Variants in PHKB observed in about 807,000 individuals in gnomAD.
PHKB encodes the protein phosphorylase kinase regulatory subunit beta, also known as phosphorylase b kinase regulatory subunit beta.
Under a neutral mutation model 152.1 loss-of-function variants are expected in PHKB, and 122 were observed. The ratio of observed to expected loss-of-function variants is 0.80; its 90% CI spans 0.69 to 0.93. PHKB has a LOEUF of 0.93. Ranked by LOEUF, PHKB falls within the 40% of genes least tolerant of loss-of-function variation. The pLI is 0.00. For missense variants in PHKB, 1,304 were observed against 1,328.4 expected (o/e 0.98, Z 0.29); for synonymous variants, 436 against 464.9 (o/e 0.94, Z 0.80).
At chr16:47,603,572 C>T (rs752614647) in intron 13 of PHKB, among the ~76,000 whole-genome samples, 6 of 149,448 alleles carry the variant, frequency 4.0e-5, no homozygotes, top group Non-Finnish European at 7.4e-5. Flanking sequence ...GGCACTATCT[C>T]GGCTCACTGC....
At chr16:47,694,704 C>T (rs1380679751) in intron 28 of PHKB, among the ~76,000 whole-genome samples, 4 of 152,334 alleles carry the variant, frequency 2.6e-5, no homozygotes, top group South Asian at 4.1e-4. Context: ...TGTTGAAGAG[C>T]AGCACCATCT....
chr16:47,676,748 A>G (rs1048068112), intron 26 of PHKB, among the ~76,000 whole-genome samples: 2 of 152,212 alleles, frequency 1.3e-5, no homozygotes, highest in Non-Finnish European at 2.9e-5. Flanking sequence ...TTCTGGTCTG[A>G]TAATGATTTG....
chr16:47,640,987 G>A, intron 14 of PHKB, 48 bp from the exon 15 acceptor site: 1 of 1,496,708 alleles, frequency 6.7e-7, no homozygotes, highest in Non-Finnish European at 9.3e-7. Flanking sequence ...AGCTGATGAT[G>A]ACCAGATCTT....
rs895984116 is a variant in PHKB at position 47,478,513 on chromosome 16, G to A, written c.76+17087G>A. 3.6e-5 allele frequency among the ~76,000 whole-genome samples: 4 copies of A among 112,332 alleles called. No homozygotes were observed. The East Asian group carries it at 7.4e-4, about 21-fold the overall frequency. 73.7% of individuals were successfully genotyped at this position (112,332 alleles called of 152,430 possible). On this transcript the variant is annotated intron_variant, in intron 1 of 30. Coordinates refer to ENST00000323584, the MANE Select transcript of PHKB (RefSeq NM_000293.3). ...GCTTTACCTGAAAAAAAGAAACAAA[G>A]CATATTTCAGTGTTTAAATCCTAGG...
At chr16:47,616,947 A>T (rs1175510972) in intron 14 of PHKB, among the ~76,000 whole-genome samples, 3 of 151,186 alleles carry the variant, frequency 2.0e-5, no homozygotes, top group African/African-American at 7.3e-5. Flanking sequence ...TAAGGCACAG[A>T]TCACTTGTGC....
intron 20 of PHKB, among the ~76,000 whole-genome samples, 182 bp downstream of exon 20, chr16:47,651,103 C>T (rs1162408527): frequency 2.0e-5 from 3 of 152,156 alleles, no homozygotes; most frequent in Admixed American, 6.5e-5. Flanking sequence ...TGCTTGAACA[C>T]TTGCAGCAAT....
At position 47,660,837 on chromosome 16, in the gene PHKB, C is replaced by T. The variant is rs1007615066; in HGVS notation, c.2196+18C>T. ...AACTGAATGTGAGACAGATGCACTTCCCACATGGCCCTAAGTGAGGTTGCT... is the reference window on the plus strand; with the variant it reads ...AACTGAATGTGAGACAGATGCACTTTCCACATGGCCCTAAGTGAGGTTGCT... On this transcript the variant is annotated intron_variant, in intron 22 of 30. Coordinates refer to ENST00000323584, the MANE Select transcript of PHKB (RefSeq NM_000293.3). 6.2e-7 allele frequency: 1 copy of T among 1,612,820 alleles called. No homozygotes were observed. The highest frequency in any genetic ancestry group is 1.3e-5 in the African/African-American group (1 of 74,864).
Position 47,681,364 on chromosome 16 carries a change from G to C in PHKB, c.2631-7677G>C, listed in dbSNP as rs547005874. ...CTCGTTGATCTGTCAAATGTTGACAGTGGGGTGTTAAAGTCTCCCATTTTT... is the reference window on the plus strand; with the variant it reads ...CTCGTTGATCTGTCAAATGTTGACACTGGGGTGTTAAAGTCTCCCATTTTT... On this transcript the variant is annotated intron_variant, in intron 26 of 30. Coordinates refer to ENST00000323584, the MANE Select transcript of PHKB (RefSeq NM_000293.3). Among the ~76,000 whole-genome samples, 80 of 148,702 alleles carry C rather than the reference G, an allele frequency of 5.4e-4. 4 individuals carry two copies. Among genetic ancestry groups the C allele is most frequent in the Non-Finnish European group, 9.6e-4 (64 of 66,696 alleles).
At chr16:47,626,225 C>G (rs1481726953) in intron 14 of PHKB, among the ~76,000 whole-genome samples, 2 of 152,138 alleles carry the variant, frequency 1.3e-5, no homozygotes, top group Non-Finnish European at 2.9e-5. Flanking sequence ...TGTGTGAATC[C>G]GCACTAGAAA....
At chr16:47,588,725 T>C (rs1222116067) in intron 9 of PHKB, among the ~76,000 whole-genome samples, 180 bp from the exon 10 acceptor site, 3 of 152,226 alleles carry the variant, frequency 2.0e-5, no homozygotes, top group African/African-American at 7.2e-5. Flanking sequence ...AAATAAAGTT[T>C]TATCTCCTCT....
intron 7 of PHKB, chr16:47,562,128 C>T: frequency 6.6e-6 from 1 of 152,444 alleles, no homozygotes; most frequent in Non-Finnish European, 1.5e-5. Context: ...ATGGAGTTCA[C>T]TGTCCCTGTG....
At chr16:47,479,684 CTTCT>C (rs1969931203) in intron 1 of PHKB, among the ~76,000 whole-genome samples, 1 of 152,178 alleles carries the variant, frequency 6.6e-6, no homozygotes, top group Non-Finnish European at 1.5e-5. Context: ...ATCTTCATCT[CTTCT>C]TTGTCTTCTA....
chr16:47,568,930 T>G lies in PHKB; in HGVS notation c.711-11365T>G, dbSNP rs527317596. Among the ~76,000 whole-genome samples, 68 of 152,354 alleles carry G rather than the reference T, an allele frequency of 4.5e-4. No homozygotes were observed. In the South Asian group the frequency reaches 0.014, roughly 31 times the overall value. Reference sequence around the variant, plus strand: ...TTTTTAAATTTATTGCGATTTGTGTTGTGTCCTGTTATATGGTCTATCTTG... The same window carrying G: ...TTTTTAAATTTATTGCGATTTGTGTGGTGTCCTGTTATATGGTCTATCTTG... On this transcript the variant is annotated intron_variant, in intron 7 of 30. Transcript: ENST00000323584.
At chr16:47,618,871 A>G (rs1196423738) in intron 14 of PHKB, among the ~76,000 whole-genome samples, 1 of 152,190 alleles carries the variant, frequency 6.6e-6, no homozygotes, top group Non-Finnish European at 1.5e-5. Flanking sequence ...GTGTTACAAC[A>G]CTTGTCACTA....
chr16:47,567,411 T>G (rs184057068), intron 7 of PHKB, among the ~76,000 whole-genome samples: 1 of 152,216 alleles, frequency 6.6e-6, no homozygotes, highest in Non-Finnish European at 1.5e-5. Flanking sequence ...GAGACATTAC[T>G]GAATTTATAA....
intron 13 of PHKB, among the ~76,000 whole-genome samples, chr16:47,609,541 G>T (rs905242396): frequency 2.1e-5 from 3 of 144,908 alleles, no homozygotes; most frequent in Non-Finnish European, 4.4e-5. Flanking sequence ...ATGTGTGGAT[G>T]TGTGTGTGTG....
chr16:47,471,903 G>T (rs546805112), intron 1 of PHKB, among the ~76,000 whole-genome samples: 13 of 152,044 alleles, frequency 8.6e-5, no homozygotes, highest in African/African-American at 2.9e-4. Context: ...AAAATACAAA[G>T]AAATTAGCCG....
intron 14 of PHKB, among the ~76,000 whole-genome samples, chr16:47,628,212 A>G (rs1470305084): frequency 6.6e-6 from 1 of 152,128 alleles, no homozygotes; most frequent in East Asian, 1.9e-4. Context: ...ACAGTAGATT[A>G]TTTTATGCAA....
At chr16:47,569,770 C>T (rs185638235) in intron 7 of PHKB, among the ~76,000 whole-genome samples, 170 of 152,196 alleles carry the variant, frequency 1.1e-3, no homozygotes, top group Admixed American at 1.8e-3. Context: ...TACAGGTGCA[C>T]GCCACCACGC....
Sources: allele counts gnomAD v4.1 joint callset (sites outside exome capture counted in the v4.1 genomes callset), GRCh38; gene constraint gnomAD v4.1.1; transcripts MANE v1.5; gene names NCBI Gene and HGNC (gene_info 2026-07-23, HGNC 2026-07-21).